Variants in ZNF487 observed in about 807,000 individuals in gnomAD.
The protein encoded by ZNF487 is zinc finger protein 487, also known as KRAB domain only 1.
Under a neutral mutation model 3.0 loss-of-function variants are expected in ZNF487, and 4 were observed. The ratio of observed to expected loss-of-function variants is 1.35; its 90% confidence interval spans 0.66 to 3.08. ZNF487 has a LOEUF of 3.08. Ranked by LOEUF, ZNF487 falls within the 30% of genes most tolerant of loss-of-function variation. The pLI is 0.01. For synonymous variants in ZNF487, 55 were observed against 34.6 expected (o/e 1.59, Z -2.06); for missense variants, 146 against 98.7 (o/e 1.48, Z -2.03).
chr10:43,486,915 T>C (rs548735834), downstream of ZNF487, among the ~76,000 whole-genome samples: 12 of 152,348 alleles, frequency 7.9e-5, no homozygotes, highest in African/African-American at 1.7e-4. Flanking sequence ...GAGATAATCA[T>C]ACCTAAAATT....
At chr10:43,462,007 C>G (rs1279884025) in intron 1 of ZNF487, among the ~76,000 whole-genome samples, 2 of 152,166 alleles carry the variant, frequency 1.3e-5, no homozygotes, top group East Asian at 3.8e-4. Flanking sequence ...CTCTTTATCT[C>G]CAAGGTTGGT....
At chr10:43,485,750 A>C (rs1841465085), downstream of ZNF487, among the ~76,000 whole-genome samples, 1 of 152,242 alleles carries the variant, frequency 6.6e-6, no homozygotes, top group African/African-American at 2.4e-5. Flanking sequence ...CTTAGTTGCC[A>C]CATGTGGCTA....
chr10:43,490,967 C>A, the ZNF487 span, among the ~76,000 whole-genome samples: 1 of 135,206 alleles, frequency 7.4e-6, no homozygotes, highest in Non-Finnish European at 1.6e-5. Context: ...AGCCACCATG[C>A]CTGGCCTTTT....
At chr10:43,511,510 G>A in the ZNF487 span, among the ~76,000 whole-genome samples, 1 of 152,300 alleles carries the variant, frequency 6.6e-6, no homozygotes, top group East Asian at 1.9e-4. Context: ...TTCCATGATG[G>A]AAGAGGTCCA....
At chr10:43,523,253 G>T in the ZNF487 span, 1 of 152,280 alleles carries the variant, frequency 6.6e-6, no homozygotes, top group Non-Finnish European at 1.5e-5. Flanking sequence ...ATTCTGGAAA[G>T]TTGACCTGAT....
the ZNF487 span, among the ~76,000 whole-genome samples, chr10:43,499,922 C>T: frequency 5.9e-5 from 9 of 151,698 alleles, no homozygotes; most frequent in African/African-American, 2.2e-4. Flanking sequence ...CTCACTCTGT[C>T]GCCCATGCTG....
At position 43,448,691 on chromosome 10, in the gene ZNF487, C is replaced by A. The variant is rs556564091; in HGVS notation, c.-94+11429C>A. 5.9e-5 allele frequency among the ~76,000 whole-genome samples: 9 copies of A among 152,166 alleles called. No homozygotes were observed. In the South Asian group the frequency reaches 1.9e-3, roughly 32 times the overall value. The stretch of plus-strand genomic sequence containing the variant: ...AATTAGCTGGGCGCGGTGGCGCACA[C>A]CTGTAGTCCCAGCTATCGGGGAGGC... On this transcript the variant is annotated intron_variant, in intron 1 of 3. Transcript: ENST00000437590.
Position 43,479,575 on chromosome 10 carries a change from G to A in ZNF487, c.131-1854G>A, listed in dbSNP as rs183038616. 8.1e-3 allele frequency among the ~76,000 whole-genome samples: 1,240 copies of A among 152,202 alleles called. 8 individuals carry two copies. Among genetic ancestry groups the A allele is most frequent in the Admixed American group, 0.014 (218 of 15,272 alleles). Reference sequence around the variant, plus strand: ...TATTGAGCTGCTTGAAGCATTACTTGTGACAAAAATATAAAAGAAGCCTGG... The same window carrying A: ...TATTGAGCTGCTTGAAGCATTACTTATGACAAAAATATAAAAGAAGCCTGG... On this transcript the variant is annotated intron_variant, in intron 3 of 3. Coordinates refer to ENST00000437590, the MANE Select transcript of ZNF487 (RefSeq NM_001355444.3).
chr10:43,487,341 G>A (rs1182979315), downstream of ZNF487, among the ~76,000 whole-genome samples: 1 of 151,562 alleles, frequency 6.6e-6, no homozygotes, highest in Non-Finnish European at 1.5e-5. Flanking sequence ...GGGTTCCATC[G>A]TATTAGCCAG....
At chr10:43,453,392 A>C (rs952563981) in intron 1 of ZNF487, 2 of 152,194 alleles carry the variant, frequency 1.3e-5, no homozygotes, top group Non-Finnish European at 2.9e-5. Context: ...GCCTATGGTC[A>C]GATATTGGCA....
At chr10:43,523,736 T>C in the ZNF487 span, 3 of 152,492 alleles carry the variant, frequency 2.0e-5, no homozygotes, top group Non-Finnish European at 4.4e-5. Context: ...CTTGTGAATA[T>C]AATGAACAAC....
At chr10:43,474,160 C>CAAA (rs111998607) in intron 1 of ZNF487, among the ~76,000 whole-genome samples, 4 of 142,594 alleles carry the variant, frequency 2.8e-5, no homozygotes, top group African/African-American at 5.3e-5. Flanking sequence ...GACCGTGTTT[C>CAAA]AAAAAAAAAA....
the ZNF487 span, among the ~76,000 whole-genome samples, chr10:43,518,088 G>T: frequency 6.6e-6 from 1 of 152,082 alleles, no homozygotes. Flanking sequence ...GCCCCCTTTG[G>T]GGTAAAGATC....
In ZNF487 at chr10:43,482,416, A is replaced by G. The variant is rs752600067; in HGVS notation, c.*494A>G. On this transcript the variant is annotated 3_prime_UTR_variant, in exon 4 of 4. Coordinates refer to ENST00000437590, the MANE Select transcript of ZNF487 (RefSeq NM_001355444.3). ...TACACAGAGGAGAGAAACCCTATGA[A>G]TGCACTGAATGTGGGAAAACTTTTG... 1 of 470,310 alleles carries G rather than the reference A, an allele frequency of 2.1e-6. No homozygotes were observed. Among genetic ancestry groups the G allele is most frequent in the South Asian group, 1.5e-5 (1 of 64,930 alleles). 29.1% of individuals were successfully genotyped at this position (470,310 alleles called of 1,614,324 possible).
chr10:43,513,571 G>A, the ZNF487 span, among the ~76,000 whole-genome samples: 5 of 152,162 alleles, frequency 3.3e-5, no homozygotes, highest in South Asian at 2.1e-4. Context: ...CTCCAGGGAT[G>A]TGATATTGTT....
At chr10:43,479,821 A>AT (rs945389599) in intron 3 of ZNF487, among the ~76,000 whole-genome samples, 2 of 151,216 alleles carry the variant, frequency 1.3e-5, no homozygotes, top group African/African-American at 2.4e-5. Flanking sequence ...GCTATTTTTT[A>AT]TTTTTTTGTA....
At chr10:43,462,829 G>A (rs1840481808) in intron 1 of ZNF487, among the ~76,000 whole-genome samples, 2 of 151,816 alleles carry the variant, frequency 1.3e-5, no homozygotes, top group South Asian at 4.2e-4. Context: ...GAGTGCAGTG[G>A]CATGATCTTA....
intron 1 of ZNF487, among the ~76,000 whole-genome samples, chr10:43,458,697 T>G (rs1187254368): frequency 6.6e-6 from 1 of 152,114 alleles, no homozygotes; most frequent in Non-Finnish European, 1.5e-5. Context: ...GAGTCTTCAG[T>G]CTTTCAGTGA....
chr10:43,460,039 T>C (rs990557887), intron 1 of ZNF487, among the ~76,000 whole-genome samples: 7 of 151,834 alleles, frequency 4.6e-5, no homozygotes, highest in African/African-American at 1.7e-4. Flanking sequence ...CCTGACCTCA[T>C]GATCTGCCCG....
Sources: allele counts gnomAD v4.1 joint callset (sites outside exome capture counted in the v4.1 genomes callset), GRCh38; gene constraint gnomAD v4.1.1; transcripts MANE v1.5; gene names NCBI Gene and HGNC (gene_info 2026-07-23, HGNC 2026-07-21).